Variants in CEP162 observed in about 807,000 individuals in gnomAD.
The protein encoded by CEP162 is centrosomal protein of 162 kDa.
Under a neutral mutation model 169.2 loss-of-function variants are expected in CEP162, and 141 were observed. The ratio of observed to expected loss-of-function variants is 0.83; its 90% confidence interval spans 0.73 to 0.96. The LOEUF is 0.96. Ranked by LOEUF, CEP162 falls within the 40% of genes least tolerant of loss-of-function variation. CEP162 has a pLI of 0.00. For missense variants in CEP162, 1,600 were observed against 1,587.2 expected (o/e 1.01, Z -0.14); for synonymous variants, 540 against 526.4 (o/e 1.03, Z -0.35).
At chr6:84,210,388 G>A (rs979422340) in intron 6 of CEP162, among the ~76,000 whole-genome samples, 4 of 152,054 alleles carry the variant, frequency 2.6e-5, no homozygotes, top group Non-Finnish European at 4.4e-5. Flanking sequence ...TACTTTCTTT[G>A]TAAACAACAC....
At chr6:84,201,281 A>T (rs1013253291) in intron 8 of CEP162, among the ~76,000 whole-genome samples, 2 of 141,714 alleles carry the variant, frequency 1.4e-5, no homozygotes, top group Non-Finnish European at 2.9e-5. Context: ...CTGTCTCACA[A>T]ACAACAAACA....
intron 6 of CEP162, among the ~76,000 whole-genome samples, chr6:84,206,357 G>A (rs996970947): frequency 3.5e-4 from 53 of 151,990 alleles, no homozygotes; most frequent in Non-Finnish European, 6.6e-4. Context: ...GCATGGTACT[G>A]GTACCAAAAC....
Position 84,174,928 on chromosome 6 carries a change from G to T in CEP162, c.1824C>A (p.Asn608Lys), listed in dbSNP as rs2099531811. 1 of 1,592,384 alleles carries T rather than the reference G, an allele frequency of 6.3e-7. No individual in the cohort carries two copies. Among genetic ancestry groups the T allele is most frequent in the Non-Finnish European group, 8.6e-7 (1 of 1,169,142 alleles). ...QTDSLGYCGE[N>K]KEKKLLMFKR... is the part of the protein sequence containing the mutation. ...TAAACATAAGTAATTTCTTCTCCTT[G>T]TTCTCACCACAGTATCCTAAGGAAT... The change falls in exon 15 of 27, where the codon AAC becomes AAA. Residue 608 changes from asparagine (N) to lysine (K), a missense_variant. Coordinates refer to ENST00000403245, the MANE Select transcript of CEP162 (RefSeq NM_014895.4).
In CEP162 at chr6:84,174,165, G is replaced by A; in HGVS notation, c.2049C>T (p.Asn683=). 13 of 1,605,968 alleles carry A rather than the reference G, an allele frequency of 8.1e-6. No homozygotes were observed. Among genetic ancestry groups the A allele is most frequent in the Non-Finnish European group, 1.1e-5 (13 of 1,175,870 alleles). The change falls in exon 16 of 27, where the codon AAC becomes AAT. Residue 683 remains asparagine, a synonymous_variant. Transcript: ENST00000403245. ...CAAAATGTAACCACCTTTGTTTTTT[G>A]TTTGTTTCTTCAAAGCTGCTTAACT... ...QAKLSSFEET[N]KKQRWLHFGE... is the part of the protein sequence containing the mutation.
At chr6:84,217,090 A>T (rs1259898129) in intron 3 of CEP162, among the ~76,000 whole-genome samples, 1 of 152,200 alleles carries the variant, frequency 6.6e-6, no homozygotes, top group Non-Finnish European at 1.5e-5. Flanking sequence ...TTAAAATCTA[A>T]CAGGAGGAGA....
chr6:84,135,917 T>C (rs2099513881), intron 25 of CEP162, among the ~76,000 whole-genome samples: 1 of 152,226 alleles, frequency 6.6e-6, no homozygotes, highest in Non-Finnish European at 1.5e-5. Flanking sequence ...TTTTCAATCA[T>C]GTCATGTGCC....
At chr6:84,225,615 G>C (rs1361115678) in intron 2 of CEP162, among the ~76,000 whole-genome samples, 1 of 152,028 alleles carries the variant, frequency 6.6e-6, no homozygotes, top group Non-Finnish European at 1.5e-5. Flanking sequence ...TGAACATGTT[G>C]ATATATAATA....
intron 24 of CEP162, among the ~76,000 whole-genome samples, chr6:84,148,734 G>A (rs564806621): frequency 6.6e-6 from 1 of 152,090 alleles, no homozygotes; most frequent in African/African-American, 2.4e-5. Flanking sequence ...TTTTCTCCCT[G>A]ACCTTCTTTC....
intron 6 of CEP162, among the ~76,000 whole-genome samples, chr6:84,209,918 CAG>C (rs1406794411): frequency 6.6e-6 from 1 of 152,052 alleles, no homozygotes; most frequent in African/African-American, 2.4e-5. Flanking sequence ...TTAGTAGACA[CAG>C]AGACAAATGA....
chr6:84,203,902 TGAGC>T, intron 7 of CEP162, 75 bp downstream of exon 7: 1 of 640,468 alleles, frequency 1.6e-6, no homozygotes, highest in Non-Finnish European at 2.6e-6. Context: ...CTCCATTTTT[TGAGC>T]TCTTCATATA....
chr6:84,148,280 C>T (rs752970280), intron 24 of CEP162, among the ~76,000 whole-genome samples: 1 of 152,030 alleles, frequency 6.6e-6, no homozygotes, highest in Non-Finnish European at 1.5e-5. Context: ...ACTTCAAATG[C>T]CACTTTGGGA....
At chr6:84,217,136 C>G (rs1261194513) in intron 3 of CEP162, among the ~76,000 whole-genome samples, 1 of 152,038 alleles carries the variant, frequency 6.6e-6, no homozygotes, top group Admixed American at 6.6e-5. Flanking sequence ...GCCTACTACA[C>G]ACCAGGCATT....
chr6:84,201,038 G>T (rs1298628542), intron 8 of CEP162, 133 bp from the exon 9 acceptor site: 4 of 420,090 alleles, frequency 9.5e-6, no homozygotes, highest in Non-Finnish European at 1.8e-5. Flanking sequence ...CAGCACTTTG[G>T]GAGGCCAAGG....
intron 2 of CEP162, 80 bp downstream of exon 2, chr6:84,226,257 G>A (rs976866473): frequency 3.2e-6 from 3 of 941,232 alleles, no homozygotes; most frequent in African/African-American, 3.3e-5. Context: ...TGGACTAACT[G>A]TATCTTCGAG....
intron 6 of CEP162, among the ~76,000 whole-genome samples, chr6:84,204,589 G>A (rs1234931098): frequency 6.6e-6 from 1 of 152,152 alleles, no homozygotes; most frequent in African/African-American, 2.4e-5. Context: ...GTGTGTAGAG[G>A]GAAATTTATA....
intron 18 of CEP162, among the ~76,000 whole-genome samples, chr6:84,167,406 T>C (rs1483475305): frequency 1.3e-5 from 2 of 152,070 alleles, no homozygotes; most frequent in Non-Finnish European, 2.9e-5. Flanking sequence ...TACTTTCTCA[T>C]TTATTTTGTA....
At chr6:84,226,249 G>T in intron 2 of CEP162, 88 bp downstream of exon 2, 1 of 868,380 alleles carries the variant, frequency 1.2e-6, no homozygotes, top group Non-Finnish European at 1.9e-6. Context: ...TTTGGTGATG[G>T]ACTAACTGTA....
intron 3 of CEP162, among the ~76,000 whole-genome samples, chr6:84,218,161 A>G (rs1345882078): frequency 6.6e-6 from 1 of 152,216 alleles, no homozygotes; most frequent in Non-Finnish European, 1.5e-5. Flanking sequence ...CATTTCTGCT[A>G]AGATGTGAAG....
chr6:84,179,145 G>C (rs935668141), intron 13 of CEP162, among the ~76,000 whole-genome samples: 1 of 152,280 alleles, frequency 6.6e-6, no homozygotes, highest in African/African-American at 2.4e-5. Flanking sequence ...CTTTATAGTA[G>C]AATGATTTAT....
Sources: gnomAD v4.1 joint callset for allele counts (sites outside exome capture counted in the v4.1 genomes callset) on GRCh38, gnomAD v4.1.1 for gene constraint, MANE v1.5 for transcripts, NCBI Gene and HGNC (gene_info 2026-07-23, HGNC 2026-07-21) for gene names.